ADAMTS16: variants seen among roughly 807,000 people sequenced by gnomAD.
The protein encoded by ADAMTS16 is ADAM metallopeptidase with thrombospondin type 1 motif 16.
A neutral mutation model predicts 145.8 loss-of-function variants in ADAMTS16; 94 were observed. The observed-to-expected ratio is 0.64, with a 90% CI of 0.55 to 0.77. The LOEUF (loss-of-function observed/expected upper bound fraction) is 0.77. ADAMTS16 is among the 30% of genes least tolerant of loss of function. The pLI is 0.00. For synonymous variants in ADAMTS16, 659 were observed against 604.3 expected (o/e 1.09, Z -1.33); for missense variants, 1,585 against 1,591.5 (o/e 1.00, Z 0.07).
At position 5,182,116 on chromosome 5, in the gene ADAMTS16, G is replaced by C. The variant is rs757927637; in HGVS notation, c.574G>C (p.Gly192Arg). The C allele has an allele frequency of 2.5e-6, 4 of 1,613,960 alleles. No individual in the cohort carries two copies. Among genetic ancestry groups the C allele is most frequent in the South Asian group, 1.1e-5 (1 of 91,062 alleles). Reference sequence around the variant, plus strand: ...TCCTTCACACCTCTCATGGAAACTCGGCAGAGCTGCCCAAGGCAGCTCGCC... The same window carrying C: ...TCCTTCACACCTCTCATGGAAACTCCGCAGAGCTGCCCAAGGCAGCTCGCC... ...PLPSHLSWKL[G>R]RAAQGSSPSH... The change falls in exon 4 of 23, where the codon GGC (glycine) becomes CGC (arginine). Residue 192 changes from glycine (G) to arginine (R), a missense_variant. Physicochemically the swap from Gly to Arg is moderately radical, Grantham distance 125. This residue lies in a region of ADAMTS16 where 453 missense variants were observed against 412.1 expected (regional missense o/e 1.10). Coordinates refer to ENST00000274181, the MANE Select transcript of ADAMTS16 (RefSeq NM_139056.4).
At chr5:5,215,870 G>GTGTATATATA (rs1260354840) in intron 10 of ADAMTS16, among the ~76,000 whole-genome samples, 31 of 101,596 alleles carry the variant, frequency 3.1e-4, no homozygotes, top group South Asian at 6.0e-4. Context: ...GTGTGTATGT[G>GTGTATATATA]TATATATATA....
At chr5:5,197,887 C>T (rs1257604959) in intron 8 of ADAMTS16, among the ~76,000 whole-genome samples, 1 of 152,052 alleles carries the variant, frequency 6.6e-6, no homozygotes, top group Non-Finnish European at 1.5e-5. Flanking sequence ...GGATGTGTTC[C>T]AATACACCCA....
chr5:5,202,870 C>A (rs1047027894), intron 9 of ADAMTS16, among the ~76,000 whole-genome samples: 8 of 152,114 alleles, frequency 5.3e-5, no homozygotes, highest in Admixed American at 1.3e-4. Context: ...TAGGCAGACT[C>A]ATGGAAAGAA....
chr5:5,277,018 C>G (rs909627913), intron 18 of ADAMTS16, among the ~76,000 whole-genome samples: 1 of 152,176 alleles, frequency 6.6e-6, no homozygotes, highest in Admixed American at 6.5e-5. Flanking sequence ...ACATTGCAGT[C>G]TTTTAAACCA....
At chr5:5,198,985 A>G (rs534633671) in intron 8 of ADAMTS16, among the ~76,000 whole-genome samples, 3 of 152,302 alleles carry the variant, frequency 2.0e-5, no homozygotes, top group African/African-American at 7.2e-5. Flanking sequence ...CTGGGAATCC[A>G]TACAATGGCT....
At position 5,235,861 on chromosome 5, in the gene ADAMTS16, G is replaced by A. The variant is rs182521329; in HGVS notation, c.2023+675G>A. On this transcript the variant is annotated intron_variant, in intron 13 of 22. Coordinates refer to ENST00000274181, the MANE Select transcript of ADAMTS16 (RefSeq NM_139056.4). ...AGAAGCCCTTTGGATGTACATAAGTGGGACGTCCCATCTGACATTCCCATT... is the reference window on the plus strand; with the variant it reads ...AGAAGCCCTTTGGATGTACATAAGTAGGACGTCCCATCTGACATTCCCATT... Among the ~76,000 whole-genome samples the A allele has an allele frequency of 5.3e-5, 8 of 152,308 alleles. No individual in the cohort carries two copies. The East Asian group carries it at 1.4e-3, about 26-fold the overall frequency.
chr5:5,314,632 C>T lies in ADAMTS16; in HGVS notation c.3412-3502C>T, dbSNP rs577456633. Among the ~76,000 whole-genome samples, 4 of 152,320 alleles carry T rather than the reference C, an allele frequency of 2.6e-5. No individual in the cohort carries two copies. In the East Asian group the frequency reaches 7.7e-4, roughly 29 times the overall value. On this transcript the variant is annotated intron_variant, in intron 21 of 22. Coordinates refer to ENST00000274181, the MANE Select transcript of ADAMTS16 (RefSeq NM_139056.4). ...TCAAAATGTGCAGCTGAACATCTTT[C>T]TTTCATCTTACATAAAGAAATGAAA...
intron 17 of ADAMTS16, among the ~76,000 whole-genome samples, chr5:5,252,793 T>G (rs1376145636): frequency 6.6e-6 from 1 of 152,150 alleles, no homozygotes; most frequent in Non-Finnish European, 1.5e-5. Flanking sequence ...CGTCCCCCTA[T>G]GCAGGAAAGG....
chr5:5,212,248 C>T (rs1736293656), intron 10 of ADAMTS16, among the ~76,000 whole-genome samples: 1 of 141,854 alleles, frequency 7.0e-6, no homozygotes, highest in Non-Finnish European at 1.5e-5. Context: ...TGCTCTGTCA[C>T]CCAGGCTGGA....
At chr5:5,242,976 A>G (rs1737339297) in intron 17 of ADAMTS16, among the ~76,000 whole-genome samples, 1 of 152,260 alleles carries the variant, frequency 6.6e-6, no homozygotes, top group South Asian at 2.1e-4. Context: ...TTTCATAACT[A>G]AGAAGTTAAT....
At chr5:5,308,391 C>T (rs1049791325) in intron 21 of ADAMTS16, among the ~76,000 whole-genome samples, 1 of 152,234 alleles carries the variant, frequency 6.6e-6, no homozygotes, top group Non-Finnish European at 1.5e-5. Flanking sequence ...CTTGGCCTCT[C>T]ACAAGAGTCC....
chr5:5,177,541 A>T (rs945615320), intron 3 of ADAMTS16, among the ~76,000 whole-genome samples: 10 of 151,668 alleles, frequency 6.6e-5, no homozygotes, highest in Non-Finnish European at 1.3e-4. Flanking sequence ...TTTTAGCCAA[A>T]TTTTTTTTTC....
intron 21 of ADAMTS16, among the ~76,000 whole-genome samples, chr5:5,309,433 CATAT>C (rs780487169): frequency 6.6e-5 from 10 of 152,052 alleles, no homozygotes; most frequent in Non-Finnish European, 1.2e-4. Flanking sequence ...TTTGATATAC[CATAT>C]ATATGCCAGC....
At chr5:5,315,159 G>A (rs1734000319) in intron 21 of ADAMTS16, among the ~76,000 whole-genome samples, 1 of 152,218 alleles carries the variant, frequency 6.6e-6, no homozygotes, top group African/African-American at 2.4e-5. Flanking sequence ...GAGAAGTGCT[G>A]AGGAAAGGGG....
chr5:5,219,770 G>A (rs1326950591), intron 10 of ADAMTS16, among the ~76,000 whole-genome samples: 1 of 152,208 alleles, frequency 6.6e-6, no homozygotes, highest in Non-Finnish European at 1.5e-5. Flanking sequence ...GAATTAGAGA[G>A]CCACATGACT....
At chr5:5,185,983 T>C in intron 4 of ADAMTS16, 69 bp from the exon 5 acceptor site, 2 of 1,379,442 alleles carry the variant, frequency 1.4e-6, no homozygotes, top group Non-Finnish European at 1.0e-6. Flanking sequence ...AATTTCTCTA[T>C]GACGAGTTAC....
intron 17 of ADAMTS16, among the ~76,000 whole-genome samples, chr5:5,252,740 G>C (rs925708676): frequency 3.9e-5 from 6 of 152,064 alleles, no homozygotes; most frequent in African/African-American, 1.4e-4. Flanking sequence ...ATATGTTTTT[G>C]TCTCCATCAG....
Position 5,248,698 on chromosome 5 carries a change from C to T in ADAMTS16, c.2662+6507C>T, listed in dbSNP as rs920584489. ...TATCTGAGCTTAATTGCCAAGGAGG[C>T]TCTCCATTCCATCACGTGAGATGCA... On this transcript the variant is annotated intron_variant, in intron 17 of 22. Transcript: ENST00000274181. 8.5e-5 allele frequency among the ~76,000 whole-genome samples: 13 copies of T among 152,300 alleles called. No homozygotes were observed. In the East Asian group the frequency reaches 2.5e-3, roughly 29 times the overall value.
rs1220464448 is a variant in ADAMTS16, at chr5:5,269,561, T to A, written c.2789+6778T>A. On this transcript the variant is annotated intron_variant, in intron 18 of 22. Coordinates refer to ENST00000274181, the MANE Select transcript of ADAMTS16 (RefSeq NM_139056.4). The surrounding 1 kb of genome is among the most constrained non-coding windows in gnomAD (Gnocchi z 4.3). ...AGGAAGCAATGACCAGCCCTTCCTCTTGCCAGAATCTCCCTGTGCCTCCAA... is the reference window on the plus strand; with the variant it reads ...AGGAAGCAATGACCAGCCCTTCCTCATGCCAGAATCTCCCTGTGCCTCCAA... Among the ~76,000 whole-genome samples the A allele has an allele frequency of 2.0e-5, 3 of 152,108 alleles. No homozygotes were observed. Among genetic ancestry groups the A allele is most frequent in the Non-Finnish European group, 4.4e-5 (3 of 68,030 alleles).
Sources: gnomAD v4.1 joint callset for allele counts (sites outside exome capture counted in the v4.1 genomes callset) on GRCh38, gnomAD v4.1.1 for gene constraint, gnomAD v4.1.1 regional missense constraint, Gnocchi (gnomAD v3.1) non-coding constraint, MANE v1.5 for transcripts, NCBI Gene and HGNC (gene_info 2026-07-23, HGNC 2026-07-21) for gene names.